The following ANGPT4 variants were observed in gnomAD, a reference collection of about 807,000 sequenced individuals.
The protein encoded by ANGPT4 is angiopoietin-4.
ANGPT4 carries 50 observed loss-of-function variants against 53.0 expected under a neutral mutation model. The observed-to-expected ratio is 0.94, with a 90% CI of 0.75 to 1.20. The LOEUF (loss-of-function observed/expected upper bound fraction) is 1.20, where lower values mean the gene tolerates loss of function less well. Ranked by LOEUF, ANGPT4 falls within the 50% of genes most tolerant of loss-of-function variation. The pLI is 0.00. For missense variants in ANGPT4, 648 were observed against 637.1 expected (o/e 1.02, Z -0.18); for synonymous variants, 251 against 259.7 (o/e 0.97, Z 0.32).
chr20:884,341 C>T (rs1051518313), intron 4 of ANGPT4, among the ~76,000 whole-genome samples: 4 of 152,208 alleles, frequency 2.6e-5, no homozygotes, highest in Admixed American at 6.5e-5. Flanking sequence ...CTTTGGGACC[C>T]GTAAACCAGG....
rs773386076 is a variant in ANGPT4, at chr20:871,487, G to A, written c.*1473C>T. 6.6e-6 allele frequency: 1 copy of A among 152,414 alleles called. No individual in the cohort carries two copies. The highest frequency in any genetic ancestry group is 1.5e-5 in the Non-Finnish European group (1 of 68,202). The allele number at this position is 152,414 out of a possible 1,614,324, so 9.4% of individuals were successfully genotyped here. Reference sequence around the variant, plus strand: ...CACAGTGATGGGGGCAGGTGACAGAGTAGCTGTGGATCCTTTCTGACTCCA... The same window carrying A: ...CACAGTGATGGGGGCAGGTGACAGAATAGCTGTGGATCCTTTCTGACTCCA... On this transcript the variant is annotated 3_prime_UTR_variant, in exon 9 of 9. Coordinates refer to ENST00000381922, the MANE Select transcript of ANGPT4 (RefSeq NM_015985.4).
chr20:912,273 C>G (rs1161378897), intron 1 of ANGPT4, among the ~76,000 whole-genome samples: 1 of 152,216 alleles, frequency 6.6e-6, no homozygotes, highest in African/African-American at 2.4e-5. Context: ...TTTCTCTGCT[C>G]TGCTTCTCTT....
chr20:899,241 C>G (rs1002586472), intron 1 of ANGPT4, among the ~76,000 whole-genome samples: 2 of 146,536 alleles, frequency 1.4e-5, no homozygotes, highest in Non-Finnish European at 3.0e-5. Context: ...TTGGTGCCAA[C>G]TGGGACAAAA....
intron 1 of ANGPT4, among the ~76,000 whole-genome samples, chr20:895,033 G>T (rs539748900): frequency 7.2e-4 from 109 of 152,282 alleles, no homozygotes; most frequent in African/African-American, 2.6e-3. Context: ...GGATAATCTG[G>T]GCCAGATGGG....
intron 1 of ANGPT4, among the ~76,000 whole-genome samples, chr20:894,602 G>T (rs1256022450): frequency 6.6e-6 from 1 of 152,204 alleles, no homozygotes; most frequent in Non-Finnish European, 1.5e-5. Context: ...TATCGAGTTT[G>T]GTCTCAGACT....
chr20:894,590 T>C (rs1476209715), intron 1 of ANGPT4, among the ~76,000 whole-genome samples: 5 of 152,146 alleles, frequency 3.3e-5, no homozygotes, highest in South Asian at 2.1e-4. Context: ...CAAATATAGC[T>C]GTATCGAGTT....
chr20:873,012 G>C lies in ANGPT4; in HGVS notation c.1460C>G (p.Pro487Arg). The C allele has an allele frequency of 1.2e-6, 2 of 1,614,114 alleles. No individual in the cohort carries two copies. Among genetic ancestry groups the C allele is most frequent in the Non-Finnish European group, 1.7e-6 (2 of 1,180,026 alleles). The stretch of plus-strand genomic sequence containing the variant: ...GCGAGAGGCACGCAGTGAGTAGCTG[G>C]GGCCCTTGAAGTAGTGCCAGCGGAT... ...DGIRWHYFKG[P>R]SYSLRASRMM... is the part of the protein sequence containing the mutation. Residue 487 changes from proline to arginine, a missense_variant, in exon 9 of 9, where the codon CCC becomes CGC. Transcript: ENST00000381922.
rs1982547721 is a variant in ANGPT4, at chr20:908,068, G to C, written c.309+7838C>G. ...CCTGTCTTGCCTTCTTGGTGGCTGA[G>C]GCTGATCCTGCAGATGGGGTGACAG... On this transcript the variant is annotated intron_variant, in intron 1 of 8. Transcript: ENST00000381922. The surrounding 1 kb of genome is among the most constrained non-coding windows in gnomAD (Gnocchi z 4.9). Among the ~76,000 whole-genome samples, 1 of 152,184 alleles carries C rather than the reference G, an allele frequency of 6.6e-6. No individual in the cohort carries two copies. Among genetic ancestry groups the C allele is most frequent in the South Asian group, 2.1e-4 (1 of 4,812 alleles).
At chr20:892,460 G>A (rs1200919950) in intron 1 of ANGPT4, among the ~76,000 whole-genome samples, 2 of 152,024 alleles carry the variant, frequency 1.3e-5, no homozygotes, top group African/African-American at 4.8e-5. Context: ...GCCAGCCATG[G>A]TGGCATAAGC....
At position 888,457 on chromosome 20, in the gene ANGPT4, A is replaced by G; in HGVS notation, c.466-18T>C. ...TTCAGGAGCTGCCCCAGCAAGCAGA[A>G]GCAGGTAGGGGGCTGCGTAAGCGCT... is the stretch of plus-strand genomic sequence containing the variant. On this transcript the variant is annotated intron_variant, in intron 2 of 8. Transcript: ENST00000381922. 2 of 1,607,506 alleles carry G rather than the reference A, an allele frequency of 1.2e-6. No homozygotes were observed. The highest frequency in any genetic ancestry group is 1.7e-6 in the Non-Finnish European group (2 of 1,178,576).
rs183781261 is a variant in ANGPT4 at position 911,156 on chromosome 20, G to A, written c.309+4750C>T. ...GGTCAGTTTGGGAGGGTCTCAGGCTGGGCAAGGACCCCACCCTGGGTTCCT... is the reference window on the plus strand; with the variant it reads ...GGTCAGTTTGGGAGGGTCTCAGGCTAGGCAAGGACCCCACCCTGGGTTCCT... On this transcript the variant is annotated intron_variant, in intron 1 of 8. Coordinates refer to ENST00000381922, the MANE Select transcript of ANGPT4 (RefSeq NM_015985.4). The surrounding 1 kb of genome is among the most constrained non-coding windows in gnomAD (Gnocchi z 4.9). Among the ~76,000 whole-genome samples the A allele has an allele frequency of 6.6e-6, 1 of 152,196 alleles. No homozygotes were observed. Among genetic ancestry groups the A allele is most frequent in the African/African-American group, 2.4e-5 (1 of 41,542 alleles).
intron 4 of ANGPT4, 108 bp downstream of exon 4, chr20:884,970 G>T (rs1021947829): frequency 6.8e-7 from 1 of 1,474,312 alleles, no homozygotes; most frequent in Non-Finnish European, 9.1e-7. Context: ...GGGAGGGTGG[G>T]GCCCGCAATG....
At chr20:893,994 A>C (rs1981949283) in intron 1 of ANGPT4, among the ~76,000 whole-genome samples, 1 of 148,170 alleles carries the variant, frequency 6.7e-6, no homozygotes, top group African/African-American at 2.5e-5. Context: ...TTTTTTTTGC[A>C]GTTGCAAGAT....
At chr20:878,491 T>C (rs1327481036) in intron 6 of ANGPT4, among the ~76,000 whole-genome samples, 164 bp from the exon 7 acceptor site, 4 of 152,208 alleles carry the variant, frequency 2.6e-5, no homozygotes, top group African/African-American at 9.7e-5. Flanking sequence ...GTAGGAGCCC[T>C]CCACCTGCTA....
intron 4 of ANGPT4, among the ~76,000 whole-genome samples, chr20:884,244 T>C (rs1480540455): frequency 1.3e-5 from 2 of 152,232 alleles, no homozygotes; most frequent in Non-Finnish European, 2.9e-5. Context: ...CTGTCTATTT[T>C]TATGGTCTGG....
intron 1 of ANGPT4, among the ~76,000 whole-genome samples, chr20:905,109 AG>A (rs1320515798): frequency 1.3e-5 from 2 of 152,108 alleles, no homozygotes; most frequent in African/African-American, 4.8e-5. Flanking sequence ...TCTGACTTCT[AG>A]GTCTCCCTGA....
rs549460034 is a variant in ANGPT4 at position 914,559 on chromosome 20, AG to A, written c.309+1346del. Among the ~76,000 whole-genome samples the A allele has an allele frequency of 6.6e-6, 1 of 152,034 alleles. No homozygotes were observed. The highest frequency in any genetic ancestry group is 2.4e-5 in the African/African-American group (1 of 41,372). On this transcript the variant is annotated intron_variant, in intron 1 of 8. Coordinates refer to ENST00000381922, the MANE Select transcript of ANGPT4 (RefSeq NM_015985.4). The surrounding 1 kb of genome is among the most constrained non-coding windows in gnomAD (Gnocchi z 5.0). Reference sequence around the variant, plus strand: ...GGGGGCCGAGTGTTAGCAGGGAGCCAGGGGGGCAGCCAGGACAGCTATCCTG... The same window carrying A: ...GGGGGCCGAGTGTTAGCAGGGAGCCAGGGGGCAGCCAGGACAGCTATCCTG...
In ANGPT4 at chr20:914,409, G is replaced by A. The variant is rs1199799866; in HGVS notation, c.309+1497C>T. Among the ~76,000 whole-genome samples, 1 of 152,124 alleles carries A rather than the reference G, an allele frequency of 6.6e-6. No individual in the cohort carries two copies. The highest frequency in any genetic ancestry group is 1.5e-5 in the Non-Finnish European group (1 of 68,012). On this transcript the variant is annotated intron_variant, in intron 1 of 8. Coordinates refer to ENST00000381922, the MANE Select transcript of ANGPT4 (RefSeq NM_015985.4). This position sits in a 1 kb window ranked among gnomAD's most constrained non-coding sequence, Gnocchi z 5.0. ...GTAAGCAAAGTGGGAGTCTGGGAGA[G>A]GGAACTCCAGGGAGTAAGGGTTCTT... is the stretch of plus-strand genomic sequence containing the variant.
At chr20:904,558 A>C (rs185304704) in intron 1 of ANGPT4, among the ~76,000 whole-genome samples, 71 of 152,338 alleles carry the variant, frequency 4.7e-4, no homozygotes, top group Admixed American at 2.3e-3. Context: ...TAACATTCCC[A>C]CAAGTCTATG....
Sources: allele counts gnomAD v4.1 joint callset (sites outside exome capture counted in the v4.1 genomes callset), GRCh38; gene constraint gnomAD v4.1.1; non-coding constraint Gnocchi (gnomAD v3.1); transcripts MANE v1.5; gene names NCBI Gene and HGNC (gene_info 2026-07-23, HGNC 2026-07-21).